The following SLC2A9 variants were observed in gnomAD, a reference collection of about 807,000 sequenced individuals.
SLC2A9 encodes solute carrier family 2 member 9.
A neutral mutation model predicts 50.6 loss-of-function variants in SLC2A9; 39 were observed. The ratio of observed to expected loss-of-function variants is 0.77; its 90% CI spans 0.60 to 1.01. The LOEUF (loss-of-function observed/expected upper bound fraction) is 1.01, where lower values mean the gene tolerates loss of function less well. Ranked by LOEUF, SLC2A9 falls within the 50% of genes least tolerant of loss-of-function variation. SLC2A9 has a pLI of 0.00. For synonymous variants in SLC2A9, 324 were observed against 276.9 expected, an observed-to-expected ratio of 1.17 and a Z score of -1.69; for missense variants, 686 against 677.6, an observed-to-expected ratio of 1.01 and a Z score of -0.14.
intron 6 of SLC2A9, among the ~76,000 whole-genome samples, chr4:9,939,548 T>C (rs1357561577): frequency 4.0e-5 from 6 of 151,898 alleles, no homozygotes; most frequent in Admixed American, 3.3e-4. Flanking sequence ...ATTTCGGTGC[T>C]GTCATTGGCT....
chr4:9,920,027 TA>T (rs781097913), intron 7 of SLC2A9, among the ~76,000 whole-genome samples: 1 of 152,192 alleles, frequency 6.6e-6, no homozygotes, highest in Non-Finnish European at 1.5e-5. Context: ...AGAGTACTTT[TA>T]TGAAAATCAT....
chr4:9,864,246 C>T (rs1418237995), intron 10 of SLC2A9, among the ~76,000 whole-genome samples: 1 of 152,066 alleles, frequency 6.6e-6, no homozygotes, highest in African/African-American at 2.4e-5. Context: ...CTGGCACATC[C>T]AGTGTGATGC....
At chr4:9,960,989 T>C (rs1752175186) in intron 5 of SLC2A9, among the ~76,000 whole-genome samples, 2 of 152,208 alleles carry the variant, frequency 1.3e-5, no homozygotes, top group Admixed American at 6.5e-5. Context: ...CCTTTACATA[T>C]AGTGTCTCTT....
chr4:9,789,098 T>C (rs969505610), intron 3 of SLC2A9, among the ~76,000 whole-genome samples: 6 of 152,250 alleles, frequency 3.9e-5, no homozygotes, highest in African/African-American at 1.4e-4. Flanking sequence ...TTTATGTAGA[T>C]ATATCAAATC....
chr4:9,876,693 A>G (rs1351551759), intron 10 of SLC2A9, among the ~76,000 whole-genome samples: 1 of 152,242 alleles, frequency 6.6e-6, no homozygotes, highest in Non-Finnish European at 1.5e-5. Flanking sequence ...TCACATTTAT[A>G]TAATAGTTTA....
intron 10 of SLC2A9, among the ~76,000 whole-genome samples, chr4:9,844,149 TA>T (rs146298159): frequency 3.0e-5 from 2 of 66,842 alleles, no homozygotes; most frequent in Admixed American, 2.1e-4. Flanking sequence ...CCAGATTTAG[TA>T]AAAAAAAAAT....
intron 7 of SLC2A9, among the ~76,000 whole-genome samples, chr4:9,915,531 C>T (rs751202962): frequency 1.3e-5 from 2 of 152,200 alleles, no homozygotes; most frequent in African/African-American, 2.4e-5. Flanking sequence ...CCACCATGCC[C>T]AGCTGCTGAA....
At chr4:10,014,332 C>T (rs911572552) in intron 2 of SLC2A9, among the ~76,000 whole-genome samples, 24 of 152,360 alleles carry the variant, frequency 1.6e-4, no homozygotes, top group Middle Eastern at 3.4e-3. Flanking sequence ...GAGGCACCTA[C>T]ATGGTGCCTG....
intron 2 of SLC2A9, among the ~76,000 whole-genome samples, chr4:9,997,314 G>T (rs1758852118): frequency 6.6e-6 from 1 of 152,130 alleles, no homozygotes; most frequent in South Asian, 2.1e-4. Flanking sequence ...CCTGGGAGCT[G>T]GACTCAGATC....
At chr4:9,970,356 C>A (rs1419421267) in intron 5 of SLC2A9, among the ~76,000 whole-genome samples, 1 of 152,190 alleles carries the variant, frequency 6.6e-6, no homozygotes. Context: ...GAGAAGGTCT[C>A]AACTGTGATT....
chr4:9,905,003 C>T (rs1740368110), intron 8 of SLC2A9, among the ~76,000 whole-genome samples: 1 of 152,222 alleles, frequency 6.6e-6, no homozygotes, highest in Admixed American at 6.5e-5. Flanking sequence ...TGGTCCCTGT[C>T]TCCAGGAATC....
chr4:9,950,167 T>C (rs540621778), intron 5 of SLC2A9, among the ~76,000 whole-genome samples: 5 of 152,326 alleles, frequency 3.3e-5, no homozygotes, highest in Admixed American at 6.5e-5. Context: ...GCAGCAAATA[T>C]GTTGTTCTAG....
At chr4:9,874,944 CG>C (rs1560221581) in intron 10 of SLC2A9, among the ~76,000 whole-genome samples, 205 of 93,458 alleles carry the variant, frequency 2.2e-3, no homozygotes, top group African/African-American at 3.3e-3. Context: ...CATAGGTTAG[CG>C]TCTGTCTAAG....
chr4:10,023,889 A>C (rs1271589382), upstream of SLC2A9, among the ~76,000 whole-genome samples: 1 of 152,184 alleles, frequency 6.6e-6, no homozygotes, highest in Non-Finnish European at 1.5e-5. Flanking sequence ...TCGGCCCTGC[A>C]CTGCAGGCAA....
chr4:9,793,705 G>T (rs368534990), intron 3 of SLC2A9, among the ~76,000 whole-genome samples: 7 of 152,174 alleles, frequency 4.6e-5, no homozygotes, highest in Admixed American at 3.3e-4. Flanking sequence ...GGTATTTCAT[G>T]AAAGAGATTT....
At chr4:9,985,295 G>A (rs190218595) in intron 4 of SLC2A9, among the ~76,000 whole-genome samples, 3 of 152,198 alleles carry the variant, frequency 2.0e-5, no homozygotes, top group African/African-American at 7.2e-5. Flanking sequence ...ATGAAATAAC[G>A]AATGAGTCAG....
intron 8 of SLC2A9, among the ~76,000 whole-genome samples, chr4:9,907,813 TGAA>T (rs1458434569): frequency 6.6e-6 from 1 of 152,188 alleles, no homozygotes; most frequent in Non-Finnish European, 1.5e-5. Flanking sequence ...AAAATGTCAG[TGAA>T]GAATATTCTC....
chr4:9,994,867 A>C (rs954334671), intron 3 of SLC2A9, among the ~76,000 whole-genome samples: 1 of 152,064 alleles, frequency 6.6e-6, no homozygotes, highest in Non-Finnish European at 1.5e-5. Flanking sequence ...GGGCATGGGG[A>C]GTGACTCCAT....
At chr4:9,895,115 C>A (rs1738282113) in intron 8 of SLC2A9, among the ~76,000 whole-genome samples, 1 of 152,200 alleles carries the variant, frequency 6.6e-6, no homozygotes, top group Admixed American at 6.5e-5. Flanking sequence ...TTATCTTACA[C>A]CATGATGCTG....
Sources: allele counts gnomAD v4.1 joint callset (sites outside exome capture counted in the v4.1 genomes callset), GRCh38; gene constraint gnomAD v4.1.1; transcripts MANE v1.5; gene names NCBI Gene and HGNC (gene_info 2026-07-23, HGNC 2026-07-21).